TMPO: variants seen among roughly 807,000 people sequenced by gnomAD.
The protein encoded by TMPO is LEM domain containing 4.
Under a neutral mutation model 45.4 loss-of-function variants are expected in TMPO, and 22 were observed. That is an observed-to-expected ratio of 0.48 (90% CI 0.35 to 0.69). The LOEUF (loss-of-function observed/expected upper bound fraction) is 0.69, where lower values mean the gene tolerates loss of function less well. Among genes scored for constraint, TMPO ranks in the 30% least tolerant of loss-of-function variants. The pLI is 0.01. For synonymous variants in TMPO, 241 were observed against 204.1 expected (o/e 1.18, Z -1.54); for missense variants, 512 against 548.8 (o/e 0.93, Z 0.67).
At chr12:98,526,756 G>A (rs1161316109) in intron 1 of TMPO, among the ~76,000 whole-genome samples, 5 of 151,936 alleles carry the variant, frequency 3.3e-5, no homozygotes, top group Admixed American at 2.6e-4. Context: ...TCAAGAGATC[G>A]AGACCATTCT....
chr12:98,526,891 G>A (rs1015824227), intron 1 of TMPO, among the ~76,000 whole-genome samples: 4 of 152,000 alleles, frequency 2.6e-5, no homozygotes, highest in Admixed American at 1.3e-4. Context: ...CCGGGAGTCG[G>A]AGGTTGCAGT....
chr12:98,540,065 C>G (rs182409766), intron 4 of TMPO, among the ~76,000 whole-genome samples: 10 of 152,350 alleles, frequency 6.6e-5, no homozygotes, highest in Admixed American at 3.3e-4. Context: ...TTGTTTTACT[C>G]TCTCAAGTCT....
In TMPO at chr12:98,539,853, T is replaced by G. The variant is rs985748468; in HGVS notation, c.663+2281T>G. ...GTCTTTGACATAGTGTTTCACACAT[T>G]AAAAAGTCAGCATTTTAGCATATAT... On this transcript the variant is annotated intron_variant, in intron 4 of 8. Transcript: ENST00000556029. Among the ~76,000 whole-genome samples the G allele has an allele frequency of 3.3e-4, 50 of 152,364 alleles. 1 individual carries two copies. Among genetic ancestry groups the G allele is most frequent in the African/African-American group, 1.1e-3 (47 of 41,596 alleles).
At position 98,527,784 on chromosome 12, in the gene TMPO, A is replaced by G. The variant is rs35124796; in HGVS notation, c.280-102A>G. 268,409 of 1,384,682 alleles carry G rather than the reference A, an allele frequency of 0.19. 27,466 individuals carry two copies. The highest frequency in any genetic ancestry group is 0.3 in the East Asian group (13,004 of 43,262). The allele number at this position is 1,384,682 out of a possible 1,614,324, so 85.8% of individuals were successfully genotyped here. Reference sequence around the variant, plus strand: ...TTGCTAAGGCCTAATATTACTATAAACCAATTTGGTAGTGAGTTTGCATGT... The same window carrying G: ...TTGCTAAGGCCTAATATTACTATAAGCCAATTTGGTAGTGAGTTTGCATGT... On this transcript the variant is annotated intron_variant, in intron 1 of 8. Coordinates refer to ENST00000556029, the MANE Select transcript of TMPO (RefSeq NM_001032283.3).
intron 1 of TMPO, among the ~76,000 whole-genome samples, chr12:98,526,950 C>T (rs1187820322): frequency 6.8e-6 from 1 of 147,694 alleles, no homozygotes; most frequent in African/African-American, 2.5e-5. Flanking sequence ...GAGCGAGACT[C>T]CACCTCCAAA....
chr12:98,536,966 G>A (rs1374455023), intron 3 of TMPO, among the ~76,000 whole-genome samples: 2 of 152,056 alleles, frequency 1.3e-5, no homozygotes, highest in Admixed American at 6.6e-5. Flanking sequence ...ACTTATTAAT[G>A]TTATGGCAGT....
intron 8 of TMPO, among the ~76,000 whole-genome samples, chr12:98,547,197 T>G (rs1878277036): frequency 6.6e-6 from 1 of 151,738 alleles, no homozygotes; most frequent in African/African-American, 2.4e-5. Flanking sequence ...TGCCTCAGCC[T>G]CCTGAGTAGC....
Position 98,515,693 on chromosome 12 carries a change from G to C in TMPO, c.-175G>C. ...GTAGTTCGGCTCTGGGGTCTTTTGT[G>C]TCCGGGTCTGGCTTGGCTTTGTGTC... On this transcript the variant is annotated 5_prime_UTR_variant, in exon 1 of 9. Coordinates refer to ENST00000556029, the MANE Select transcript of TMPO (RefSeq NM_001032283.3). 1 of 1,399,654 alleles carries C rather than the reference G, an allele frequency of 7.1e-7. No homozygotes were observed. The highest frequency in any genetic ancestry group is 1.4e-5 in the South Asian group (1 of 70,918). 86.7% of individuals were successfully genotyped at this position (1,399,654 alleles called of 1,614,324 possible).
At chr12:98,525,270 C>G (rs1204987046) in intron 1 of TMPO, among the ~76,000 whole-genome samples, 8 of 152,040 alleles carry the variant, frequency 5.3e-5, no homozygotes, top group Non-Finnish European at 1.0e-4. Context: ...GAATTAAAGC[C>G]TGCTAAAAGT....
chr12:98,541,418 T>C (rs1196321992), intron 4 of TMPO, among the ~76,000 whole-genome samples: 2 of 152,230 alleles, frequency 1.3e-5, no homozygotes. Flanking sequence ...ATTTTTATCT[T>C]ATGCTGAATA....
At chr12:98,545,892 C>G (rs1253621458) in intron 7 of TMPO, among the ~76,000 whole-genome samples, 2 of 152,230 alleles carry the variant, frequency 1.3e-5, no homozygotes, top group East Asian at 1.9e-4. Flanking sequence ...GCCACCACGC[C>G]CAGCTAATTT....
intron 3 of TMPO, among the ~76,000 whole-genome samples, chr12:98,535,963 A>C (rs368697922): frequency 2.0e-5 from 3 of 152,348 alleles, no homozygotes; most frequent in African/African-American, 7.2e-5. Context: ...CAAAGCATAA[A>C]ATAGATTTTA....
At chr12:98,546,893 C>A (rs1055918500) in intron 8 of TMPO, among the ~76,000 whole-genome samples, 1 of 152,084 alleles carries the variant, frequency 6.6e-6, no homozygotes, top group Non-Finnish European at 1.5e-5. Flanking sequence ...CCCTAAGTTT[C>A]TCTTTTCTAA....
intron 1 of TMPO, among the ~76,000 whole-genome samples, chr12:98,521,573 C>CATATGTATCTTGCTA (rs1465690357): frequency 1.3e-5 from 2 of 152,076 alleles, no homozygotes; most frequent in Non-Finnish European, 1.5e-5. Flanking sequence ...TATCTTGCTA[C>CATATGTATCTTGCTA]CAATATTTTT....
chr12:98,546,774 T>C (rs1252641517), intron 8 of TMPO, among the ~76,000 whole-genome samples: 1 of 152,160 alleles, frequency 6.6e-6, no homozygotes, highest in Non-Finnish European at 1.5e-5. Context: ...GTTGAATGAG[T>C]TTCAAAATTG....
In TMPO at chr12:98,516,437, C is replaced by T. The variant is rs960593692; in HGVS notation, c.279+291C>T. On this transcript the variant is annotated intron_variant, in intron 1 of 8. Transcript: ENST00000556029. ...AGTCGACGCCGCTTCCCTGGACCAC[C>T]AGCCGCCTGCAGCGGGCGTTTAGAC... 18 of 1,156,500 alleles carry T rather than the reference C, an allele frequency of 1.6e-5. No homozygotes were observed. In the Admixed American group the frequency reaches 7.1e-4, roughly 46 times the overall value. 71.6% of individuals were successfully genotyped at this position (1,156,500 alleles called of 1,614,324 possible). A position where few individuals can be genotyped will look rare whatever the true frequency, so the allele number is the denominator to read the frequency against.
Position 98,515,647 on chromosome 12 carries a change from C to G in TMPO, c.-221C>G. The G allele has an allele frequency of 1.1e-6, 1 of 895,086 alleles. No individual in the cohort carries two copies. 55.4% of individuals were successfully genotyped at this position (895,086 alleles called of 1,614,324 possible). ...GTGGGCTGGGGTTGGTGCGAGCTTC[C>G]AGCTTGGCCGCAGTTGGTTCGTAGT... On this transcript the variant is annotated 5_prime_UTR_variant, in exon 1 of 9. Coordinates refer to ENST00000556029, the MANE Select transcript of TMPO (RefSeq NM_001032283.3).
chr12:98,522,314 C>G (rs1380023177), intron 1 of TMPO, among the ~76,000 whole-genome samples: 1 of 152,100 alleles, frequency 6.6e-6, no homozygotes, highest in Non-Finnish European at 1.5e-5. Flanking sequence ...TGCTCCTGGC[C>G]AAATTATGAA....
In TMPO at chr12:98,548,151, ATG is replaced by A. The variant is rs1166649148; in HGVS notation, c.*295_*296del. 6 of 286,962 alleles carry A rather than the reference ATG, an allele frequency of 2.1e-5. 1 individual carries two copies. The highest frequency in any genetic ancestry group is 4.9e-5 in the Admixed American group (1 of 20,602). The allele number at this position is 286,962 out of a possible 1,614,324, so 17.8% of individuals were successfully genotyped here. On this transcript the variant is annotated 3_prime_UTR_variant, in exon 9 of 9. Transcript: ENST00000556029. ...GGCATCTTATTTCATTTTTGAAAAAATGTATATGTTTTTTGTGTATTTGGGAA... is the reference window on the plus strand; with the variant it reads ...GGCATCTTATTTCATTTTTGAAAAAATATATGTTTTTTGTGTATTTGGGAA...
Sources: allele counts gnomAD v4.1 joint callset (sites outside exome capture counted in the v4.1 genomes callset), GRCh38; gene constraint gnomAD v4.1.1; transcripts MANE v1.5; gene names NCBI Gene and HGNC (gene_info 2026-07-23, HGNC 2026-07-21).